The following LOC122455342 variants were observed in gnomAD, a reference collection of about 807,000 sequenced individuals.
the LOC122455342 span, chr17:76,568,800 G>A: frequency 6.2e-7 from 1 of 1,613,082 alleles, no homozygotes; most frequent in Non-Finnish European, 8.5e-7. Flanking sequence ...GTGCGGCCTA[G>A]GACCCATGAT....
At chr17:76,568,906 G>C in the LOC122455342 span, 1 of 1,014,000 alleles carries the variant, frequency 9.9e-7, no homozygotes, top group African/African-American at 1.6e-5. Context: ...TGAGCGGTAG[G>C]AGCGGGGCTG....
the LOC122455342 span, chr17:76,568,833 G>A: frequency 1.9e-6 from 3 of 1,606,234 alleles, no homozygotes; most frequent in South Asian, 2.2e-5. Context: ...AGCGCCCAGA[G>A]CCGTCGTATT....
the LOC122455342 span, chr17:76,568,808 G>A: frequency 6.2e-7 from 1 of 1,612,742 alleles, no homozygotes; most frequent in South Asian, 1.1e-5. Context: ...TAGGACCCAT[G>A]ATAGAAGTGG....
the LOC122455342 span, chr17:76,569,422 C>T: frequency 2.5e-5 from 8 of 325,392 alleles, no homozygotes; most frequent in East Asian, 8.8e-5. Flanking sequence ...GGCAGCCCCG[C>T]GGGGCACGTG....
At chr17:76,568,848 G>A in the LOC122455342 span, 5 of 1,585,680 alleles carry the variant, frequency 3.2e-6, no homozygotes, top group East Asian at 6.7e-5. Flanking sequence ...CGTATTGCAA[G>A]GGGGAGATGG....
the LOC122455342 span, chr17:76,568,834 C>A: frequency 1.9e-6 from 3 of 1,604,928 alleles, no homozygotes; most frequent in South Asian, 2.2e-5. Context: ...GCGCCCAGAG[C>A]CGTCGTATTG....
At chr17:76,569,609 G>T in the LOC122455342 span, 5 of 398,520 alleles carry the variant, frequency 1.3e-5, no homozygotes, top group Non-Finnish European at 2.2e-5. Flanking sequence ...GAGGGAGACT[G>T]GGTAGGGGAT....
the LOC122455342 span, chr17:76,569,643 G>A: frequency 7.5e-6 from 3 of 398,524 alleles, no homozygotes; most frequent in Non-Finnish European, 1.3e-5. Context: ...GGGAAGGGGA[G>A]CTCATTGGTG....
chr17:76,568,871 G>C, the LOC122455342 span: 1 of 1,453,580 alleles, frequency 6.9e-7, no homozygotes, highest in Non-Finnish European at 9.6e-7. Flanking sequence ...GGGAGGGTCA[G>C]GGCGCCGGAG....
chr17:76,568,840 T>A, the LOC122455342 span: 1 of 1,598,544 alleles, frequency 6.3e-7, no homozygotes, highest in Non-Finnish European at 8.6e-7. Context: ...AGAGCCGTCG[T>A]ATTGCAAGGG....
chr17:76,569,611 G>A, the LOC122455342 span: 2 of 398,370 alleles, frequency 5.0e-6, no homozygotes. Context: ...GGGAGACTGG[G>A]TAGGGGATGG....
chr17:76,569,076 G>A, the LOC122455342 span: 1 of 200,860 alleles, frequency 5.0e-6, no homozygotes. Flanking sequence ...AGTTAAACTG[G>A]GGGTGGTGGG....
the LOC122455342 span, chr17:76,568,958 G>A: frequency 3.1e-6 from 2 of 642,154 alleles, no homozygotes; most frequent in Non-Finnish European, 5.5e-6. Flanking sequence ...GTGGCAGGCA[G>A]TACGTTGGGG....
chr17:76,568,868 T>C, the LOC122455342 span: 75 of 1,398,600 alleles, frequency 5.4e-5, no homozygotes, highest in Non-Finnish European at 6.8e-5. Flanking sequence ...GAGGGGAGGG[T>C]CAGGGCGCCG....
chr17:76,569,328 A>G, the LOC122455342 span: 2 of 198,342 alleles, frequency 1.0e-5, no homozygotes, highest in Admixed American at 1.1e-4. Flanking sequence ...TGGGGGGCAC[A>G]GCGGGGGTTA....
chr17:76,569,002 A>G, the LOC122455342 span: 1 of 384,260 alleles, frequency 2.6e-6, no homozygotes. Context: ...CAGGACCTCC[A>G]CGGGCGGGGT....
At chr17:76,569,302 C>T in the LOC122455342 span, 4 of 334,596 alleles carry the variant, frequency 1.2e-5, no homozygotes, top group Non-Finnish European at 2.0e-5. Context: ...GGTGGCAGGG[C>T]TGTAGAAGGA....
the LOC122455342 span, chr17:76,568,908 G>T: frequency 1.0e-6 from 1 of 977,908 alleles, no homozygotes; most frequent in Non-Finnish European, 1.6e-6. Flanking sequence ...AGCGGTAGGA[G>T]CGGGGCTGGG....
chr17:76,568,821 A>C, the LOC122455342 span: 1 of 1,610,826 alleles, frequency 6.2e-7, no homozygotes, highest in Middle Eastern at 1.7e-4. Context: ...AGAAGTGGAC[A>C]GAGCGCCCAG....
Sources: allele counts gnomAD v4.1 joint callset, GRCh38; gene constraint gnomAD v4.1.1; transcripts MANE v1.5.